The following TXN variants were observed in gnomAD, a reference collection of about 807,000 sequenced individuals.
The protein encoded by TXN is thioredoxin.
TXN carries 10 observed loss-of-function variants against 16.5 expected under a neutral mutation model. The ratio of observed to expected loss-of-function variants is 0.61; its 90% CI spans 0.37 to 1.03. The LOEUF is 1.03. Among genes scored for constraint, TXN ranks in the 50% least tolerant of loss-of-function variants. TXN has a pLI of 0.01. For missense variants in TXN, 71 were observed against 122.5 expected (o/e 0.58, Z 1.98); for synonymous variants, 35 against 39.4 (o/e 0.89, Z 0.42).
At position 110,244,094 on chromosome 9, in the gene TXN, G is replaced by C. The variant is rs1230327258; in HGVS notation, c.*63C>G. 3 of 1,021,666 alleles carry C rather than the reference G, an allele frequency of 2.9e-6. No homozygotes were observed. The highest frequency in any genetic ancestry group is 4.0e-6 in the Non-Finnish European group (3 of 743,758). The allele number at this position is 1,021,666 out of a possible 1,614,324, so 63.3% of individuals were successfully genotyped here. On this transcript the variant is annotated 3_prime_UTR_variant, in exon 5 of 5. Transcript: ENST00000374517. ...TTATGTCTTCATATTTTATATTTTTGTAAATTAAAAAAATTACAAGTTTTA... is the reference window on the plus strand; with the variant it reads ...TTATGTCTTCATATTTTATATTTTTCTAAATTAAAAAAATTACAAGTTTTA...
chr9:110,248,528 T>C (rs1837685580), intron 3 of TXN, among the ~76,000 whole-genome samples: 1 of 152,176 alleles, frequency 6.6e-6, no homozygotes, highest in South Asian at 2.1e-4. Flanking sequence ...CTATGCCATC[T>C]AGGTTGTGTA....
chr9:110,250,757 G>A, intron 3 of TXN, 63 bp downstream of exon 3: 1 of 1,204,400 alleles, frequency 8.3e-7, no homozygotes. Context: ...AAAGCACTGT[G>A]CAATTCAGAG....
At chr9:110,248,256 T>C (rs529802897) in intron 3 of TXN, among the ~76,000 whole-genome samples, 11 of 152,340 alleles carry the variant, frequency 7.2e-5, no homozygotes, top group South Asian at 4.1e-4. Context: ...TTCTAGGCCT[T>C]CACATTCACT....
intron 1 of TXN, among the ~76,000 whole-genome samples, chr9:110,252,193 C>T (rs1375774641): frequency 8.0e-6 from 1 of 125,620 alleles, no homozygotes; most frequent in Non-Finnish European, 1.6e-5. Flanking sequence ...CACTGCACTC[C>T]ATCCTGGGCA....
At chr9:110,248,167 G>C (rs746246761) in intron 3 of TXN, among the ~76,000 whole-genome samples, 1 of 151,910 alleles carries the variant, frequency 6.6e-6, no homozygotes, top group African/African-American at 2.4e-5. Flanking sequence ...AAGTAAAAAA[G>C]TTACAATAAA....
intron 3 of TXN, among the ~76,000 whole-genome samples, chr9:110,245,602 TAC>T (rs1554766611): frequency 2.7e-4 from 17 of 62,498 alleles, no homozygotes; most frequent in African/African-American, 7.9e-4. Context: ...TGTATATATA[TAC>T]ACACACACAC....
At position 110,251,303 on chromosome 9, in the gene TXN, C is replaced by T; in HGVS notation, c.129+55G>A. 4 of 1,324,114 alleles carry T rather than the reference C, an allele frequency of 3.0e-6. No homozygotes were observed. The South Asian group carries it at 3.6e-5, about 12-fold the overall frequency. The allele number at this position is 1,324,114 out of a possible 1,614,324, so 82.0% of individuals were successfully genotyped here. A position where few individuals can be genotyped will look rare whatever the true frequency, so the allele number is the denominator to read the frequency against. On this transcript the variant is annotated intron_variant, in intron 2 of 4. Transcript: ENST00000374517. Reference sequence around the variant, plus strand: ...CTGTCTTTCTTTCCTACCACTGTGACCACCAACTCAAAAAACACAAATCTC... The same window carrying T: ...CTGTCTTTCTTTCCTACCACTGTGATCACCAACTCAAAAAACACAAATCTC...
At position 110,244,840 on chromosome 9, in the gene TXN, C is replaced by T. The variant is rs1460421181; in HGVS notation, c.193G>A (p.Val65Ile). 2.5e-6 allele frequency: 4 copies of T among 1,612,670 alleles called. No individual in the cohort carries two copies. In the South Asian group the frequency reaches 3.3e-5, roughly 13 times the overall value. ...CATTTGACTTCACACTCTGAAGCAACATCCTGGTAGGGAAAGTAGCAAAGG... is the reference window on the plus strand; with the variant it reads ...CATTTGACTTCACACTCTGAAGCAATATCCTGGTAGGGAAAGTAGCAAAGG... ...LEVDVDDCQDVASECEVKCMP... is the reference protein window; with the variant it reads ...LEVDVDDCQDIASECEVKCMP... The change falls in exon 4 of 5, where the codon GTT becomes ATT. Residue 65 changes from valine to isoleucine, a missense_variant. Val to Ile is a conservative substitution (Grantham distance 29, BLOSUM62 3). Transcript: ENST00000374517.
At chr9:110,244,509 A>G (rs547477991) in intron 4 of TXN, among the ~76,000 whole-genome samples, 2 of 152,290 alleles carry the variant, frequency 1.3e-5, no homozygotes, top group East Asian at 3.9e-4. Flanking sequence ...TTTCTTTTAC[A>G]CAATACTTAA....
chr9:110,245,593 GTA>G (rs201592675), intron 3 of TXN, among the ~76,000 whole-genome samples: 1 of 67,050 alleles, frequency 1.5e-5, no homozygotes, highest in Non-Finnish European at 2.7e-5. Flanking sequence ...GTGTGTGTGT[GTA>G]TATATATACA....
intron 1 of TXN, among the ~76,000 whole-genome samples, chr9:110,255,281 A>C (rs1837795114): frequency 6.6e-6 from 1 of 152,238 alleles, no homozygotes; most frequent in Non-Finnish European, 1.5e-5. Flanking sequence ...CCGTTCGAGC[A>C]GTATCAATTT....
At chr9:110,253,409 T>A (rs564784936) in intron 1 of TXN, among the ~76,000 whole-genome samples, 1 of 152,290 alleles carries the variant, frequency 6.6e-6, no homozygotes, top group South Asian at 2.1e-4. Flanking sequence ...CACTTATTGT[T>A]CCAGATCAAT....
chr9:110,250,708 G>A (rs552502704), intron 3 of TXN, 112 bp downstream of exon 3: 2 of 898,094 alleles, frequency 2.2e-6, no homozygotes, highest in East Asian at 5.2e-5. Flanking sequence ...TTTTTAGATA[G>A]GATTACAGTT....
intron 1 of TXN, among the ~76,000 whole-genome samples, chr9:110,252,214 ACT>A (rs1017793411): frequency 7.3e-6 from 1 of 136,776 alleles, no homozygotes; most frequent in Non-Finnish European, 1.5e-5. Context: ...ATAGACGGAG[ACT>A]CTGTCGCAAA....
chr9:110,245,654 A>ATATATTTTTT (rs1232332404), intron 3 of TXN, among the ~76,000 whole-genome samples: 3 of 21,772 alleles, frequency 1.4e-4, no homozygotes, highest in African/African-American at 5.9e-4. Flanking sequence ...ATATATATAT[A>ATATATTTTTT]TTTTTTTTTT....
intron 3 of TXN, among the ~76,000 whole-genome samples, chr9:110,246,813 G>C (rs563555941): frequency 1.3e-5 from 2 of 152,266 alleles, no homozygotes; most frequent in Admixed American, 1.3e-4. Flanking sequence ...TAAAAATGGT[G>C]AATGTTTATT....
intron 4 of TXN, 68 bp downstream of exon 4, chr9:110,244,710 A>G (rs1299069192): frequency 1.5e-6 from 2 of 1,341,124 alleles, no homozygotes; most frequent in Non-Finnish European, 2.1e-6. Context: ...ACATCACTCC[A>G]GTGATTTATT....
chr9:110,249,661 GCA>G (rs765504687), intron 3 of TXN, among the ~76,000 whole-genome samples: 5 of 152,156 alleles, frequency 3.3e-5, no homozygotes, highest in African/African-American at 7.2e-5. Context: ...GTTGCCCAAG[GCA>G]CAGAGTCAAA....
At position 110,250,923 on chromosome 9, in the gene TXN, G is replaced by A. The variant is rs4135194; in HGVS notation, c.130-44C>T. 3 of 1,434,644 alleles carry A rather than the reference G, an allele frequency of 2.1e-6. No homozygotes were observed. In the African/African-American group the frequency reaches 4.3e-5, roughly 20 times the overall value. 88.9% of individuals were successfully genotyped at this position (1,434,644 alleles called of 1,614,324 possible). ...AAAATCCAAAAAGATTTAGAACTAG[G>A]TAATGGCAATCAACATACCCAAGCT... On this transcript the variant is annotated intron_variant, in intron 2 of 4. Transcript: ENST00000374517.
Sources: gnomAD v4.1 joint callset for allele counts (sites outside exome capture counted in the v4.1 genomes callset) on GRCh38, gnomAD v4.1.1 for gene constraint, MANE v1.5 for transcripts, NCBI Gene and HGNC (gene_info 2026-07-23, HGNC 2026-07-21) for gene names.